The following SPATA31H1 variants were observed in gnomAD, a reference collection of about 807,000 sequenced individuals.
SPATA31H1 encodes SPATA31 subfamily H member 1.
chr2:27,561,644 A>G, the SPATA31H1 span, among the ~76,000 whole-genome samples: 1 of 152,048 alleles, frequency 6.6e-6, no homozygotes, highest in East Asian at 1.9e-4. Context: ...GTCCACCTCT[A>G]TATGTGGTAT....
the SPATA31H1 span, chr2:27,581,618 A>AGAGAGAAGCCATCGCAGTCCCTCT: frequency 6.3e-7 from 1 of 1,577,398 alleles, no homozygotes; most frequent in Non-Finnish European, 8.6e-7. Flanking sequence ...GCGGTCCCTC[A>AGAGAGAAGCCATCGCAGTCCCTCT]GAGAGAAGCC....
chr2:27,567,887 A>G, the SPATA31H1 span: 1 of 399,062 alleles, frequency 2.5e-6, no homozygotes, highest in Non-Finnish European at 4.4e-6. Context: ...GGATGATCCC[A>G]GAATCACATT....
the SPATA31H1 span, chr2:27,569,877 C>T: frequency 1.0e-5 from 4 of 398,730 alleles, no homozygotes; most frequent in Non-Finnish European, 1.3e-5. Flanking sequence ...AAAGATATTT[C>T]CAGGACCACT....
chr2:27,553,670 C>T, the SPATA31H1 span, among the ~76,000 whole-genome samples: 4 of 151,988 alleles, frequency 2.6e-5, no homozygotes, highest in Non-Finnish European at 4.4e-5. Context: ...GCCTGTAATC[C>T]CAGCACTTTG....
At chr2:27,572,790 G>A in the SPATA31H1 span, 3 of 397,998 alleles carry the variant, frequency 7.5e-6, no homozygotes, top group Admixed American at 1.3e-4. Context: ...GTCAGGAGGT[G>A]TAAAGTCATC....
chr2:27,565,791 C>G, the SPATA31H1 span, among the ~76,000 whole-genome samples: 4 of 152,192 alleles, frequency 2.6e-5, no homozygotes, highest in African/African-American at 9.7e-5. Flanking sequence ...CCTACTCTCA[C>G]TGCTTATTAC....
At chr2:27,542,903 C>A in the SPATA31H1 span, among the ~76,000 whole-genome samples, 1 of 151,860 alleles carries the variant, frequency 6.6e-6, no homozygotes, top group Non-Finnish European at 1.5e-5. Flanking sequence ...TCGAGACCAC[C>A]CTGTCTCTAC....
the SPATA31H1 span, among the ~76,000 whole-genome samples, chr2:27,559,428 C>T: frequency 6.6e-6 from 1 of 152,172 alleles, no homozygotes; most frequent in Non-Finnish European, 1.5e-5. Flanking sequence ...TATTTCCCTC[C>T]ACTTCCTTTT....
chr2:27,559,192 G>C, the SPATA31H1 span, among the ~76,000 whole-genome samples: 1 of 152,064 alleles, frequency 6.6e-6, no homozygotes, highest in Admixed American at 6.6e-5. Context: ...CGATATTTTT[G>C]CTTCTGGCAG....
the SPATA31H1 span, among the ~76,000 whole-genome samples, chr2:27,558,707 C>T: frequency 6.6e-5 from 3 of 45,550 alleles, no homozygotes; most frequent in Non-Finnish European, 1.3e-4. Flanking sequence ...GAGACCAGCC[C>T]GGCCAACACA....
the SPATA31H1 span, chr2:27,578,847 C>T: frequency 1.2e-6 from 2 of 1,614,148 alleles, no homozygotes; most frequent in South Asian, 1.1e-5. Flanking sequence ...TTCTGGGATA[C>T]AGGAAGTATC....
At chr2:27,574,492 T>C in the SPATA31H1 span, 203 of 398,514 alleles carry the variant, frequency 5.1e-4, no homozygotes, top group African/African-American at 3.9e-3. Flanking sequence ...ATCATGGGTA[T>C]AAAGCTTCAA....
At chr2:27,548,264 C>A in the SPATA31H1 span, among the ~76,000 whole-genome samples, 1 of 151,886 alleles carries the variant, frequency 6.6e-6, no homozygotes, top group African/African-American at 2.4e-5. Flanking sequence ...CCACCGCGCC[C>A]GGACTTAACA....
chr2:27,581,350 C>T, the SPATA31H1 span: 1 of 1,613,626 alleles, frequency 6.2e-7, no homozygotes, highest in Non-Finnish European at 8.5e-7. Context: ...CACTGCAGTC[C>T]CTCTAGGAAA....
chr2:27,538,109 CAGAG>C, the SPATA31H1 span, among the ~76,000 whole-genome samples: 1,618 of 152,222 alleles, frequency 0.011, 14 homozygotes, highest in Non-Finnish European at 0.015. Flanking sequence ...TGTAGGGACT[CAGAG>C]AGAGAAAAGA....
the SPATA31H1 span, chr2:27,578,641 T>G: frequency 1.2e-6 from 2 of 1,614,134 alleles, no homozygotes; most frequent in African/African-American, 2.7e-5. Context: ...TCTACAGTGA[T>G]AAAAACAGAG....
the SPATA31H1 span, chr2:27,581,443 GTC>G: frequency 1.1e-5 from 18 of 1,613,974 alleles, no homozygotes; most frequent in Non-Finnish European, 1.5e-5. Context: ...AGCTGTCACA[GTC>G]TCTCTGAAAG....
chr2:27,555,057 TCTC>T, the SPATA31H1 span, among the ~76,000 whole-genome samples: 1 of 151,966 alleles, frequency 6.6e-6, no homozygotes, highest in Non-Finnish European at 1.5e-5. Flanking sequence ...GCTAAGGAAG[TCTC>T]CTTCTATTCC....
the SPATA31H1 span, chr2:27,580,033 G>T: frequency 1.9e-6 from 3 of 1,614,096 alleles, no homozygotes; most frequent in Non-Finnish European, 2.5e-6. Flanking sequence ...CACCTTGTAC[G>T]CACTCCTGAA....
Sources: allele counts gnomAD v4.1 joint callset (sites outside exome capture counted in the v4.1 genomes callset), GRCh38; gene constraint gnomAD v4.1.1; transcripts MANE v1.5; gene names NCBI Gene and HGNC (gene_info 2026-07-23, HGNC 2026-07-21).